Variants in ZCCHC7 observed in about 807,000 individuals in gnomAD.
The protein encoded by ZCCHC7 is zinc finger CCHC-type containing 7.
A neutral mutation model predicts 52.0 loss-of-function variants in ZCCHC7; 35 were observed. The observed-to-expected ratio is 0.67, with a 90% CI of 0.51 to 0.89. The LOEUF (loss-of-function observed/expected upper bound fraction) is 0.89. ZCCHC7 is among the 40% of genes least tolerant of loss of function. ZCCHC7 has a pLI of 0.00. For synonymous variants in ZCCHC7, 217 were observed against 221.5 expected, an observed-to-expected ratio of 0.98 and a Z score of 0.18; for missense variants, 574 against 649.1, an observed-to-expected ratio of 0.88 and a Z score of 1.26.
intron 2 of ZCCHC7, among the ~76,000 whole-genome samples, chr9:37,147,821 A>G (rs1843500143): frequency 6.6e-6 from 1 of 152,088 alleles, no homozygotes; most frequent in East Asian, 1.9e-4. Flanking sequence ...AAAAATACTT[A>G]TCAACTAATT....
intron 6 of ZCCHC7, among the ~76,000 whole-genome samples, chr9:37,348,620 C>T (rs754804179): frequency 1.3e-4 from 20 of 152,124 alleles, no homozygotes; most frequent in Admixed American, 7.2e-4. Context: ...CCTCGTGATC[C>T]GCCCACCTCA....
At position 37,176,653 on chromosome 9, in the gene ZCCHC7, G is replaced by A. The variant is rs575467059; in HGVS notation, c.610+49711G>A. On this transcript the variant is annotated intron_variant, in intron 2 of 8. Transcript: ENST00000336755. ...ACTGAATTAAATATATACATTTAAT[G>A]TATATATTTTAAAAATTAGTAATGC... 3.9e-5 allele frequency among the ~76,000 whole-genome samples: 6 copies of A among 151,960 alleles called. No individual in the cohort carries two copies. The East Asian group carries it at 1.2e-3, about 29-fold the overall frequency.
chr9:37,259,970 A>T (rs1826786315), intron 2 of ZCCHC7, among the ~76,000 whole-genome samples: 1 of 152,142 alleles, frequency 6.6e-6, no homozygotes, highest in Non-Finnish European at 1.5e-5. Context: ...TTTATATTCA[A>T]TTTCTCTTTC....
At chr9:37,189,834 T>C (rs1822924969) in intron 2 of ZCCHC7, among the ~76,000 whole-genome samples, 1 of 152,222 alleles carries the variant, frequency 6.6e-6, no homozygotes, top group Non-Finnish European at 1.5e-5. Flanking sequence ...GTGCCAAACA[T>C]TGGACTGTCT....
chr9:37,271,448 C>CAT (rs1328657584), intron 2 of ZCCHC7, among the ~76,000 whole-genome samples: 2 of 152,130 alleles, frequency 1.3e-5, no homozygotes, highest in Non-Finnish European at 2.9e-5. Context: ...TCTTATAAAG[C>CAT]ATATATATTT....
At chr9:37,278,030 G>GTA (rs892695844) in intron 2 of ZCCHC7, among the ~76,000 whole-genome samples, 12 of 72,548 alleles carry the variant, frequency 1.7e-4, no homozygotes, top group African/African-American at 6.3e-4. Flanking sequence ...GTGTGTGTGT[G>GTA]TGTGTGTTTT....
At chr9:37,270,506 C>G (rs998884007) in intron 2 of ZCCHC7, among the ~76,000 whole-genome samples, 4 of 151,974 alleles carry the variant, frequency 2.6e-5, no homozygotes, top group Non-Finnish European at 5.9e-5. Flanking sequence ...GCCTGGCCAA[C>G]ATGGTGAAAC....
chr9:37,218,183 A>C (rs1824611808), intron 2 of ZCCHC7, among the ~76,000 whole-genome samples: 1 of 152,168 alleles, frequency 6.6e-6, no homozygotes, highest in African/African-American at 2.4e-5. Context: ...TTTTGTTTTG[A>C]TTGTCAAGTA....
chr9:37,121,043 C>G (rs1461703040), intron 1 of ZCCHC7: 1 of 152,894 alleles, frequency 6.5e-6, no homozygotes, highest in African/African-American at 2.4e-5. Flanking sequence ...CCCGCCTCTG[C>G]TGTCAGAAGC....
At chr9:37,289,639 T>C (rs1316190023) in intron 2 of ZCCHC7, among the ~76,000 whole-genome samples, 1 of 152,204 alleles carries the variant, frequency 6.6e-6, no homozygotes, top group Admixed American at 6.5e-5. Context: ...TCCCATCTAT[T>C]TTTTCTTCTC....
intron 5 of ZCCHC7, among the ~76,000 whole-genome samples, chr9:37,306,527 G>A (rs1237906457): frequency 2.7e-5 from 4 of 150,358 alleles, no homozygotes; most frequent in East Asian, 2.0e-4. Flanking sequence ...GTGCAGTGGC[G>A]TGATCTCAGC....
In ZCCHC7 at chr9:37,259,051, CAT is replaced by C. The variant is rs1826738864; in HGVS notation, c.611-43136_611-43135del. On this transcript the variant is annotated intron_variant, in intron 2 of 8. Coordinates refer to ENST00000336755, the MANE Select transcript of ZCCHC7 (RefSeq NM_032226.3). ...CGAAAAGAAACTTGGATTATTATAA[CAT>C]GTAGCAGAAAAAATGAAAAACAAAA... Among the ~76,000 whole-genome samples the C allele has an allele frequency of 3.3e-5, 5 of 151,942 alleles. No homozygotes were observed. The South Asian group carries it at 1.0e-3, about 32-fold the overall frequency.
intron 2 of ZCCHC7, among the ~76,000 whole-genome samples, chr9:37,239,382 G>A (rs1406881809): frequency 6.6e-6 from 1 of 152,070 alleles, no homozygotes; most frequent in African/African-American, 2.4e-5. Flanking sequence ...TTTGCTCTTT[G>A]CCCTGTGATG....
intron 2 of ZCCHC7, among the ~76,000 whole-genome samples, chr9:37,229,068 C>T (rs972806809): frequency 1.3e-4 from 20 of 152,052 alleles, no homozygotes; most frequent in Admixed American, 5.2e-4. Flanking sequence ...CTCCTGAGCT[C>T]AAGCAATCTG....
chr9:37,307,070 G>A (rs1388558801), intron 5 of ZCCHC7, among the ~76,000 whole-genome samples: 2 of 151,900 alleles, frequency 1.3e-5, no homozygotes, highest in African/African-American at 4.8e-5. Context: ...ACAGGTGTGA[G>A]CCACCACACC....
intron 2 of ZCCHC7, among the ~76,000 whole-genome samples, chr9:37,217,548 G>C (rs1444050548): frequency 6.6e-6 from 1 of 152,034 alleles, no homozygotes; most frequent in African/African-American, 2.4e-5. Context: ...TACTTAGAAT[G>C]TATGCAGTAC....
rs894679723 is a variant in ZCCHC7 at position 37,197,754 on chromosome 9, T to TA, written c.610+70823dup. Among the ~76,000 whole-genome samples, 81 of 148,174 alleles carry TA rather than the reference T, an allele frequency of 5.5e-4. 2 individuals are homozygous for TA. Among genetic ancestry groups the TA allele is most frequent in the Middle Eastern group, 3.5e-3 (1 of 286 alleles). ...CACTATTCTGGATTTGATGTTTTGT[T>TA]AAAAAAAAAAAGTTTCCGAAATCTG... On this transcript the variant is annotated intron_variant, in intron 2 of 8. Transcript: ENST00000336755.
chr9:37,317,154 A>G (rs980537927), intron 5 of ZCCHC7, among the ~76,000 whole-genome samples: 3 of 152,212 alleles, frequency 2.0e-5, no homozygotes, highest in Non-Finnish European at 4.4e-5. Context: ...CTGAATGTCA[A>G]ACAAAAATTA....
rs869292704 is a variant in ZCCHC7, at chr9:37,306,762, C to CTTTTTTTTTTTTTTTTT, written c.951+1074_951+1090dup. Among the ~76,000 whole-genome samples the CTTTTTTTTTTTTTTTTT allele has an allele frequency of 1.5e-4, 8 of 52,034 alleles. 2 individuals carry two copies. Among genetic ancestry groups the CTTTTTTTTTTTTTTTTT allele is most frequent in the South Asian group, 8.0e-4 (1 of 1,246 alleles). 34.1% of individuals were successfully genotyped at this position (52,034 alleles called of 152,430 possible). Reference sequence around the variant, plus strand: ...ACAGGCATGAGCCACTGTACCCGACCTTTTTTTTTTTTTTTTTTTTTTTTT... The same window carrying CTTTTTTTTTTTTTTTTT: ...ACAGGCATGAGCCACTGTACCCGACCTTTTTTTTTTTTTTTTTTTTTTTTTTTTTTTTTTTTTTTTTT... On this transcript the variant is annotated intron_variant, in intron 5 of 8. Coordinates refer to ENST00000336755, the MANE Select transcript of ZCCHC7 (RefSeq NM_032226.3).
Sources: gnomAD v4.1 joint callset for allele counts (sites outside exome capture counted in the v4.1 genomes callset) on GRCh38, gnomAD v4.1.1 for gene constraint, MANE v1.5 for transcripts, NCBI Gene and HGNC (gene_info 2026-07-23, HGNC 2026-07-21) for gene names.